USP53: variants seen among roughly 807,000 people sequenced by gnomAD.
USP53 encodes the protein ubiquitin carboxyl-terminal hydrolase 53.
Under a neutral mutation model 94.9 loss-of-function variants are expected in USP53, and 71 were observed. The observed-to-expected ratio is 0.75, with a 90% CI of 0.62 to 0.91. The LOEUF (loss-of-function observed/expected upper bound fraction) is 0.91. USP53 is among the 40% of genes least tolerant of loss of function. The pLI, the probability that USP53 is intolerant of heterozygous loss-of-function variation, is 0.00. For synonymous variants in USP53, 375 were observed against 422.7 expected (o/e 0.89, Z 1.39); for missense variants, 1,173 against 1,281.0 (o/e 0.92, Z 1.29).
intron 3 of USP53, among the ~76,000 whole-genome samples, chr4:119,233,006 A>G (rs1746265004): frequency 6.6e-6 from 1 of 151,998 alleles, no homozygotes; most frequent in African/African-American, 2.4e-5. Context: ...AGCCTTTTTA[A>G]GCTTTTCATT....
chr4:119,294,654 G>GT lies in USP53; in HGVS notation c.*1444dup, dbSNP rs1755097526. Reference sequence around the variant, plus strand: ...AGCCACTTGACTGATTGCGTAAATCGTGTTAAAACATTCTAAAATGTTGTA... The same window carrying GT: ...AGCCACTTGACTGATTGCGTAAATCGTTGTTAAAACATTCTAAAATGTTGTA... On this transcript the variant is annotated 3_prime_UTR_variant, in exon 19 of 19. Transcript: ENST00000692078. The GT allele has an allele frequency of 6.6e-6, 1 of 151,918 alleles. No homozygotes were observed. Among genetic ancestry groups the GT allele is most frequent in the African/African-American group, 2.4e-5 (1 of 41,378 alleles). 9.4% of individuals were successfully genotyped at this position (151,918 alleles called of 1,614,324 possible). A position where few individuals can be genotyped will look rare whatever the true frequency, so the allele number is the denominator to read the frequency against.
At chr4:119,230,819 G>T (rs1745962805) in intron 3 of USP53, among the ~76,000 whole-genome samples, 1 of 152,170 alleles carries the variant, frequency 6.6e-6, no homozygotes, top group South Asian at 2.1e-4. Context: ...GCAAGAGACA[G>T]AGAGTGAGGG....
chr4:119,275,820 T>A (rs1336645898), intron 17 of USP53, among the ~76,000 whole-genome samples: 2 of 152,148 alleles, frequency 1.3e-5, no homozygotes, highest in African/African-American at 4.8e-5. Context: ...TCACATCCCT[T>A]GTAAGTTGGA....
intron 13 of USP53, among the ~76,000 whole-genome samples, chr4:119,267,784 GC>G (rs1316655124): frequency 6.6e-6 from 1 of 152,184 alleles, no homozygotes; most frequent in Non-Finnish European, 1.5e-5. Flanking sequence ...GTCCGAAACA[GC>G]TAGGTCATTT....
intron 3 of USP53, among the ~76,000 whole-genome samples, chr4:119,228,403 A>G (rs147357497): frequency 6.6e-6 from 1 of 152,324 alleles, no homozygotes; most frequent in East Asian, 1.9e-4. Context: ...AGCCAGAGAA[A>G]GCACTCTGCT....
At chr4:119,264,004 G>A (rs571334786) in intron 12 of USP53, among the ~76,000 whole-genome samples, 1 of 152,296 alleles carries the variant, frequency 6.6e-6, no homozygotes, top group East Asian at 1.9e-4. Flanking sequence ...GGCAGAGGTT[G>A]CAGTGAGCCG....
At chr4:119,246,735 A>G (rs949785143) in intron 6 of USP53, among the ~76,000 whole-genome samples, 2 of 152,162 alleles carry the variant, frequency 1.3e-5, no homozygotes, top group Non-Finnish European at 2.9e-5. Context: ...AACCAGATAT[A>G]ATATTTGAAC....
chr4:119,251,857 T>C (rs1749055237), intron 7 of USP53, among the ~76,000 whole-genome samples: 1 of 152,220 alleles, frequency 6.6e-6, no homozygotes, highest in Admixed American at 6.5e-5. Flanking sequence ...CAGTATAATA[T>C]TGGCTGTGAG....
chr4:119,289,000 T>C (rs985250077), intron 17 of USP53, among the ~76,000 whole-genome samples: 2 of 151,332 alleles, frequency 1.3e-5, no homozygotes, highest in African/African-American at 2.4e-5. Flanking sequence ...CAAGTGTTGA[T>C]ACATTTCACT....
In USP53 at chr4:119,291,226, A is replaced by G. The variant is rs747944559; in HGVS notation, c.2313A>G (p.Glu771=). 1 of 1,600,670 alleles carries G rather than the reference A, an allele frequency of 6.2e-7. No individual in the cohort carries two copies. Among genetic ancestry groups the G allele is most frequent in the East Asian group, 2.3e-5 (1 of 44,128 alleles). Residue 771 remains glutamate (E), a synonymous_variant, in exon 18 of 19, where the codon GAA becomes GAG. Transcript: ENST00000692078. Reference sequence around the variant, plus strand: ...ATAAATCTCATGAATTCCACCCAGAATCACATTTACAAATAAAAAATCATT... The same window carrying G: ...ATAAATCTCATGAATTCCACCCAGAGTCACATTTACAAATAAAAAATCATT... ...AGYKSHEFHP[E]SHLQIKNHLI...
chr4:119,261,580 T>C, intron 11 of USP53, 135 bp from the exon 12 acceptor site: 1 of 590,624 alleles, frequency 1.7e-6, no homozygotes, highest in East Asian at 3.2e-5. Flanking sequence ...TGCCTTCAAG[T>C]AATAATATAA....
intron 3 of USP53, chr4:119,220,659 G>A (rs1744391305): frequency 6.6e-6 from 1 of 152,090 alleles, no homozygotes; most frequent in Admixed American, 6.6e-5. Context: ...AATTTCTTAA[G>A]CATTGTGAAA....
At chr4:119,273,368 G>C (rs190485160) in intron 16 of USP53, 357 of 253,728 alleles carry the variant, frequency 1.4e-3, no homozygotes, top group Admixed American at 3.9e-3. Flanking sequence ...TCTTGGAATG[G>C]AGTAGCCTAG....
At chr4:119,213,945 A>G (rs1743333191) in intron 1 of USP53, 125 bp from the exon 2 acceptor site, 2 of 151,910 alleles carry the variant, frequency 1.3e-5, no homozygotes. Context: ...ATTCACTTTT[A>G]GTTATTAAAA....
intron 17 of USP53, among the ~76,000 whole-genome samples, chr4:119,274,445 G>T (rs937836863): frequency 1.3e-5 from 2 of 151,936 alleles, no homozygotes; most frequent in African/African-American, 4.8e-5. Context: ...TTTTATGGCT[G>T]CATAGTATTC....
At chr4:119,284,704 A>T (rs1753886640) in intron 17 of USP53, among the ~76,000 whole-genome samples, 1 of 151,936 alleles carries the variant, frequency 6.6e-6, no homozygotes, top group African/African-American at 2.4e-5. Context: ...CAGCAGTGTG[A>T]ATGTACTTAA....
At chr4:119,247,407 C>T (rs1164268999) in intron 6 of USP53, among the ~76,000 whole-genome samples, 2 of 152,140 alleles carry the variant, frequency 1.3e-5, no homozygotes, top group Non-Finnish European at 2.9e-5. Flanking sequence ...TTCCTTTATG[C>T]CTCTCCTCAA....
chr4:119,288,388 A>G (rs6853132), intron 17 of USP53, among the ~76,000 whole-genome samples: 7,358 of 152,268 alleles, frequency 0.048, 244 homozygotes, highest in Middle Eastern at 0.088. Context: ...GTTTTCATGT[A>G]TGAAGAAAGC....
chr4:119,275,925 T>C (rs1645044720), intron 17 of USP53, among the ~76,000 whole-genome samples: 2 of 150,056 alleles, frequency 1.3e-5, no homozygotes, highest in Admixed American at 6.7e-5. Context: ...ATAAGAATGC[T>C]TGTGATTTTT....
Sources: gnomAD v4.1 joint callset for allele counts (sites outside exome capture counted in the v4.1 genomes callset) on GRCh38, gnomAD v4.1.1 for gene constraint, MANE v1.5 for transcripts, NCBI Gene and HGNC (gene_info 2026-07-23, HGNC 2026-07-21) for gene names.